Variants in BTAF1 observed in about 807,000 individuals in gnomAD.
BTAF1 encodes the protein B-TFIID TATA-box binding protein associated factor 1.
In BTAF1, 38 loss-of-function variants were observed where a neutral mutation model predicts 227.1. That is an observed-to-expected ratio of 0.17 (90% CI 0.13 to 0.22). The LOEUF (loss-of-function observed/expected upper bound fraction) is 0.22. Among genes scored for constraint, BTAF1 ranks in the 10% least tolerant of loss-of-function variants. The pLI is 1.00. For synonymous variants in BTAF1, 742 were observed against 751.9 expected (o/e 0.99, Z 0.21); for missense variants, 1,598 against 2,204.0 (o/e 0.73, Z 5.51).
At chr10:92,022,881 C>T (rs941242005) in intron 34 of BTAF1, among the ~76,000 whole-genome samples, 3 of 152,126 alleles carry the variant, frequency 2.0e-5, no homozygotes, top group East Asian at 1.9e-4. Context: ...AGGAATGTCT[C>T]CCTAGTATAC....
At chr10:91,977,625 AT>A (rs1347891292) in intron 14 of BTAF1, among the ~76,000 whole-genome samples, 1 of 152,120 alleles carries the variant, frequency 6.6e-6, no homozygotes, top group Non-Finnish European at 1.5e-5. Flanking sequence ...TGGTAAGAGT[AT>A]TTTTAATTTT....
At chr10:91,991,271 A>AAATATATATATATATAT (rs1564699928) in intron 20 of BTAF1, among the ~76,000 whole-genome samples, 6 of 66,222 alleles carry the variant, frequency 9.1e-5, no homozygotes, top group Admixed American at 2.2e-4. Flanking sequence ...TATAAATATA[A>AAATATATATATATATAT]ATATATATAT....
chr10:91,940,388 C>CT (rs1172355174), intron 3 of BTAF1, among the ~76,000 whole-genome samples: 4 of 151,934 alleles, frequency 2.6e-5, no homozygotes, highest in African/African-American at 9.7e-5. Context: ...ATTTGAAAGT[C>CT]TTTTTTTCTT....
chr10:92,027,479 G>GA (rs1170997014), intron 37 of BTAF1, among the ~76,000 whole-genome samples, 179 bp downstream of exon 37: 1 of 125,666 alleles, frequency 8.0e-6, no homozygotes, highest in African/African-American at 4.0e-5. Flanking sequence ...GTGAAGTTTT[G>GA]ATTTTTTTTT....
At chr10:92,004,648 G>A (rs952255924) in intron 25 of BTAF1, among the ~76,000 whole-genome samples, 1 of 151,860 alleles carries the variant, frequency 6.6e-6, no homozygotes, top group African/African-American at 2.4e-5. Flanking sequence ...TATTTATTTT[G>A]TGTGGAGATG....
intron 1 of BTAF1, among the ~76,000 whole-genome samples, chr10:91,925,179 T>C (rs1843742649): frequency 6.6e-6 from 1 of 152,134 alleles, no homozygotes; most frequent in Non-Finnish European, 1.5e-5. Flanking sequence ...TACCGTAGTA[T>C]GGGGCATCTG....
chr10:91,991,291 T>TATATATATATATATAA (rs1456317058), intron 20 of BTAF1, among the ~76,000 whole-genome samples: 5 of 133,050 alleles, frequency 3.8e-5, no homozygotes, highest in East Asian at 2.5e-4. Flanking sequence ...TATATATATA[T>TATATATATATATATAA]AAATTATCCG....
rs926085249 is a variant in BTAF1, at chr10:91,993,587, T to C, written c.3046-107T>C. 7 of 877,292 alleles carry C rather than the reference T, an allele frequency of 8.0e-6. No homozygotes were observed. The South Asian group carries it at 3.0e-4, about 37-fold the overall frequency. The allele number at this position is 877,292 out of a possible 1,614,324, so 54.3% of individuals were successfully genotyped here. Reference sequence around the variant, plus strand: ...TAATAATTGCTTACTTGGTTAATGATAACATTATGAATTCTTAGATGGTGA... The same window carrying C: ...TAATAATTGCTTACTTGGTTAATGACAACATTATGAATTCTTAGATGGTGA... On this transcript the variant is annotated intron_variant, in intron 21 of 37. Transcript: ENST00000265990.
chr10:91,938,081 A>T (rs1276197133), intron 2 of BTAF1, among the ~76,000 whole-genome samples: 2 of 152,228 alleles, frequency 1.3e-5, no homozygotes, highest in Non-Finnish European at 2.9e-5. Flanking sequence ...CAGAGAAGCA[A>T]TACATTTGTA....
intron 36 of BTAF1, 25 bp downstream of exon 36, chr10:92,026,776 A>G: frequency 6.2e-7 from 1 of 1,601,748 alleles, no homozygotes; most frequent in South Asian, 1.1e-5. Flanking sequence ...TACCTCACAG[A>G]TGTTAACCTG....
In BTAF1 at chr10:91,952,489, C is replaced by T. The variant is rs1332533956; in HGVS notation, c.564+923C>T. ...GTTCAGTACTCTTTTACCTGACCCC[C>T]AGTATTCTTTTAGGGGTCCATGGGC... On this transcript the variant is annotated intron_variant, in intron 5 of 37. Transcript: ENST00000265990. Among the ~76,000 whole-genome samples, 6 of 152,148 alleles carry T rather than the reference C, an allele frequency of 3.9e-5. No individual in the cohort carries two copies. In the East Asian group the frequency reaches 1.2e-3, roughly 29 times the overall value.
chr10:91,979,515 C>T (rs868640271), intron 14 of BTAF1, among the ~76,000 whole-genome samples: 1 of 152,062 alleles, frequency 6.6e-6, no homozygotes, highest in Non-Finnish European at 1.5e-5. Context: ...CATTTATTAT[C>T]CCTAGAACCT....
At chr10:91,991,797 G>GTATATATATATA (rs1166615338) in intron 20 of BTAF1, among the ~76,000 whole-genome samples, 24 of 9,996 alleles carry the variant, frequency 2.4e-3, no homozygotes, top group African/African-American at 4.2e-3. Context: ...GTGTGTGTGT[G>GTATATATATATA]TATATATATA....
chr10:91,985,359 A>AT (rs1425212822), intron 19 of BTAF1, among the ~76,000 whole-genome samples: 8 of 152,048 alleles, frequency 5.3e-5, no homozygotes, highest in African/African-American at 1.7e-4. Flanking sequence ...TTGTATTATT[A>AT]TACCACAACT....
In BTAF1 at chr10:91,957,268, A is replaced by G; in HGVS notation, c.875A>G (p.Asn292Ser). Residue 292 changes from asparagine to serine, a missense_variant, in exon 8 of 38, where the codon AAT becomes AGT. Physicochemically the swap from Asn to Ser is conservative, Grantham distance 46. Coordinates refer to ENST00000265990, the MANE Select transcript of BTAF1 (RefSeq NM_003972.3). ...GAAAGCTTTTGTGAAGAACTTTGCAATGACCTTTTTAATCCCTCCTGGGAG... is the reference window on the plus strand; with the variant it reads ...GAAAGCTTTTGTGAAGAACTTTGCAGTGACCTTTTTAATCCCTCCTGGGAG... ...PLESFCEELC[N>S]DLFNPSWEVR... 1.9e-6 allele frequency: 3 copies of G among 1,612,998 alleles called. No homozygotes were observed. Among genetic ancestry groups the G allele is most frequent in the Non-Finnish European group, 2.5e-6 (3 of 1,179,330 alleles).
intron 14 of BTAF1, among the ~76,000 whole-genome samples, chr10:91,969,422 T>G (rs1847139072): frequency 1.3e-5 from 2 of 152,210 alleles, no homozygotes; most frequent in African/African-American, 4.8e-5. Flanking sequence ...AACTTTTTTT[T>G]GGTGAGTCAG....
rs1846946124 is a variant in BTAF1 at position 91,966,716 on chromosome 10, G to A, written c.1609G>A (p.Ala537Thr). ...HHTISSVRRAALETLFTLLST... is the reference protein window; with the variant it reads ...HHTISSVRRATLETLFTLLST... ...CACTATATCATCAGTTCGAAGAGCAGCATTGGAAACTCTGTTTACGTTATT... is the reference window on the plus strand; with the variant it reads ...CACTATATCATCAGTTCGAAGAGCAACATTGGAAACTCTGTTTACGTTATT... Residue 537 changes from alanine to threonine, a missense_variant, in exon 14 of 38, where the codon GCA becomes ACA. By Grantham distance (58) the Ala-to-Thr change is moderately conservative. This residue lies in a region of BTAF1 where 318 missense variants were observed against 435.0 expected (regional missense o/e 0.73). Transcript: ENST00000265990. 1.9e-6 allele frequency: 3 copies of A among 1,613,910 alleles called. No individual in the cohort carries two copies. The highest frequency in any genetic ancestry group is 1.3e-5 in the African/African-American group (1 of 74,924).
chr10:91,958,951 C>T, intron 8 of BTAF1, 114 bp from the exon 9 acceptor site: 2 of 866,582 alleles, frequency 2.3e-6, no homozygotes, highest in Non-Finnish European at 3.6e-6. Flanking sequence ...TAAAGTTCCA[C>T]TTAGTTTATT....
intron 1 of BTAF1, among the ~76,000 whole-genome samples, chr10:91,927,358 G>T (rs1483020985): frequency 6.6e-6 from 1 of 152,016 alleles, no homozygotes; most frequent in Non-Finnish European, 1.5e-5. Context: ...GGCTGGCCTC[G>T]AACTCCTGAC....
Sources: gnomAD v4.1 joint callset for allele counts (sites outside exome capture counted in the v4.1 genomes callset) on GRCh38, gnomAD v4.1.1 for gene constraint, gnomAD v4.1.1 regional missense constraint, MANE v1.5 for transcripts, NCBI Gene and HGNC (gene_info 2026-07-23, HGNC 2026-07-21) for gene names.